Variants in ANK3 observed in about 807,000 individuals in gnomAD.
The protein encoded by ANK3 is ankyrin 3.
A neutral mutation model predicts 370.9 loss-of-function variants in ANK3; 57 were observed. That is an observed-to-expected ratio of 0.15 (90% CI 0.12 to 0.19). The LOEUF (loss-of-function observed/expected upper bound fraction) is 0.19, where lower values mean the gene tolerates loss of function less well. Ranked by LOEUF, ANK3 falls within the 10% of genes least tolerant of loss-of-function variation. ANK3 has a pLI of 1.00. For missense variants in ANK3, 4,439 were observed against 5,302.1 expected, an observed-to-expected ratio of 0.84 and a Z score of 5.06; for synonymous variants, 1,929 against 1,946.3, an observed-to-expected ratio of 0.99 and a Z score of 0.23.
At chr10:60,107,623 ATTTAAT>A (rs1482523189) in intron 27 of ANK3, among the ~76,000 whole-genome samples, 2 of 152,250 alleles carry the variant, frequency 1.3e-5, no homozygotes, top group African/African-American at 4.8e-5. Context: ...TCTGCTGCCT[ATTTAAT>A]TTTATTTAAA....
At chr10:60,182,464 A>G (rs2096222302) in intron 17 of ANK3, among the ~76,000 whole-genome samples, 1 of 152,222 alleles carries the variant, frequency 6.6e-6, no homozygotes, top group Admixed American at 6.5e-5. Context: ...TTAAATTGTA[A>G]AGCATTTTTT....
intron 43 of ANK3, among the ~76,000 whole-genome samples, chr10:60,033,184 T>G (rs1326862745): frequency 2.6e-5 from 4 of 152,160 alleles, no homozygotes; most frequent in Non-Finnish European, 4.4e-5. Context: ...TTTCACTGTA[T>G]TTTTAAGAAA....
rs1031437052 is a variant in ANK3 at position 60,074,886 on chromosome 10, C to T, written c.5995G>A (p.Glu1999Lys). The T allele has an allele frequency of 2.5e-6, 4 of 1,613,728 alleles. No homozygotes were observed. The African/African-American group carries it at 4.0e-5, about 16-fold the overall frequency. Residue 1999 changes from glutamate (E) to lysine (K), a missense_variant, in exon 37 of 44, where the codon GAA (glutamate) becomes AAA (lysine). Glu to Lys is a moderately conservative substitution (Grantham distance 56, BLOSUM62 1). Coordinates refer to ENST00000280772, the MANE Select transcript of ANK3 (RefSeq NM_020987.5). ...CTCGCAGCAGCTTGTTGTCTGGCTT[C>T]CCGGATTTCTTCCGAACTAAATTCT... ...WIEFSSEEIR[E>K]ARQQAAASQS...
chr10:60,484,339 C>G (rs986382559), intron 2 of ANK3, among the ~76,000 whole-genome samples: 11 of 152,200 alleles, frequency 7.2e-5, no homozygotes, highest in African/African-American at 2.6e-4. Flanking sequence ...ATTCATTATT[C>G]AAATCTTGAC....
chr10:60,217,101 C>A (rs2096951346), intron 8 of ANK3, among the ~76,000 whole-genome samples: 1 of 152,078 alleles, frequency 6.6e-6, no homozygotes, highest in African/African-American at 2.4e-5. Context: ...TCTGTGAGGT[C>A]AGTGGTGATA....
intron 7 of ANK3, among the ~76,000 whole-genome samples, chr10:60,237,684 G>C (rs973606334): frequency 6.6e-6 from 1 of 151,662 alleles, no homozygotes; most frequent in Non-Finnish European, 1.5e-5. Context: ...TAGTTACATA[G>C]GTATACATGT....
At chr10:60,035,510 C>T (rs2074748035) in intron 43 of ANK3, among the ~76,000 whole-genome samples, 1 of 151,774 alleles carries the variant, frequency 6.6e-6, no homozygotes. Context: ...GCCTTGGCCT[C>T]CCGAAGTGCT....
chr10:60,350,565 C>T lies in ANK3; in HGVS notation c.114+38860G>A, dbSNP rs565022636. On this transcript the variant is annotated intron_variant, in intron 1 of 43. Coordinates refer to ENST00000280772, the MANE Select transcript of ANK3 (RefSeq NM_020987.5). ...AGGCCAATCCTCTCAATCCTATTTCCCCAGGAAAGAGACTCAAAAATCTAA... is the reference window on the plus strand; with the variant it reads ...AGGCCAATCCTCTCAATCCTATTTCTCCAGGAAAGAGACTCAAAAATCTAA... Among the ~76,000 whole-genome samples, 12 of 152,238 alleles carry T rather than the reference C, an allele frequency of 7.9e-5. No homozygotes were observed. In the South Asian group the frequency reaches 1.2e-3, roughly 16 times the overall value.
At chr10:60,456,119 C>T (rs755259683) in intron 2 of ANK3, among the ~76,000 whole-genome samples, 38 of 152,178 alleles carry the variant, frequency 2.5e-4, no homozygotes, top group Non-Finnish European at 1.0e-4. Flanking sequence ...ATCAACTGTC[C>T]TCCCAATTAG....
At chr10:60,395,547 T>C (rs575909230) in intron 2 of ANK3, among the ~76,000 whole-genome samples, 5 of 143,610 alleles carry the variant, frequency 3.5e-5, no homozygotes, top group African/African-American at 7.7e-5. Flanking sequence ...TCAACTACTA[T>C]GCCTCTTTCT....
intron 2 of ANK3, among the ~76,000 whole-genome samples, chr10:60,568,939 T>C (rs1420684365): frequency 1.3e-5 from 2 of 152,190 alleles, no homozygotes; most frequent in Non-Finnish European, 2.9e-5. Flanking sequence ...ATCAGCAAGC[T>C]GGGAAGAGTG....
In ANK3 at chr10:60,235,051, G is replaced by T. The variant is rs12260633; in HGVS notation, c.799-265C>A. Among the ~76,000 whole-genome samples, 482 of 152,192 alleles carry T rather than the reference G, an allele frequency of 3.2e-3. 1 individual carries two copies. Among genetic ancestry groups the T allele is most frequent in the African/African-American group, 0.011 (457 of 41,522 alleles). On this transcript the variant is annotated intron_variant, in intron 7 of 43. Transcript: ENST00000280772. ...TGACTGATGGATGAAGTGATAATTT[G>T]TTTTTTTGCTCAAAAGTCCTGCATT...
At chr10:60,595,710 T>C (rs953076743) in intron 2 of ANK3, among the ~76,000 whole-genome samples, 1 of 152,162 alleles carries the variant, frequency 6.6e-6, no homozygotes, top group Non-Finnish European at 1.5e-5. Context: ...AGGGAGGAAC[T>C]GTTATCTTTG....
chr10:60,612,778 T>G (rs558700009), intron 2 of ANK3, among the ~76,000 whole-genome samples: 5 of 152,322 alleles, frequency 3.3e-5, no homozygotes, highest in African/African-American at 1.2e-4. Context: ...CTAACTGAAT[T>G]CCTGGTGGCG....
chr10:60,233,604 T>G (rs73269491), intron 8 of ANK3, among the ~76,000 whole-genome samples: 3,111 of 152,182 alleles, frequency 0.02, 96 homozygotes, highest in African/African-American at 0.067. Context: ...GTTAATTTTG[T>G]TCTCTTTTAT....
intron 6 of ANK3, among the ~76,000 whole-genome samples, chr10:60,263,293 C>A (rs1384346261): frequency 1.3e-5 from 2 of 152,140 alleles, no homozygotes; most frequent in Non-Finnish European, 2.9e-5. Context: ...AGAAAGAAAG[C>A]TAGACTGAAT....
chr10:60,062,999 A>T, intron 40 of ANK3, 112 bp downstream of exon 40: 1 of 1,138,888 alleles, frequency 8.8e-7, no homozygotes. Context: ...AGAAAATGAG[A>T]AACTAAGTCA....
chr10:60,074,573 A>G lies in ANK3; in HGVS notation c.6308T>C (p.Phe2103Ser). 4.3e-6 allele frequency: 7 copies of G among 1,614,120 alleles called. No individual in the cohort carries two copies. Among genetic ancestry groups the G allele is most frequent in the Non-Finnish European group, 5.9e-6 (7 of 1,180,002 alleles). The change falls in exon 37 of 44, where the codon TTT becomes TCT. Residue 2103 changes from phenylalanine to serine, a missense_variant. This residue lies in a region of ANK3 where 679 missense variants were observed against 791.0 expected (regional missense o/e 0.86). Transcript: ENST00000280772. ...AGACTCTAAAATAGTATCTGTTCCA[A>G]AAAAGGAATCAGCCATTTTACACAA... Reference protein sequence around the residue: ...KELCKMADSFFGTDTILESPD... With the variant: ...KELCKMADSFSGTDTILESPD...
chr10:60,183,579 C>A (rs1020159390), intron 17 of ANK3, among the ~76,000 whole-genome samples: 5 of 152,032 alleles, frequency 3.3e-5, no homozygotes, highest in Non-Finnish European at 7.4e-5. Context: ...GCACTTAGGG[C>A]CGGGCACAGT....
Sources: gnomAD v4.1 joint callset for allele counts (sites outside exome capture counted in the v4.1 genomes callset) on GRCh38, gnomAD v4.1.1 for gene constraint, gnomAD v4.1.1 regional missense constraint, MANE v1.5 for transcripts, NCBI Gene and HGNC (gene_info 2026-07-23, HGNC 2026-07-21) for gene names.